DBNDD1: variants seen among roughly 807,000 people sequenced by gnomAD.
DBNDD1 encodes dysbindin domain containing 1, also known as dysbindin domain-containing protein 1.
Under a neutral mutation model 17.0 loss-of-function variants are expected in DBNDD1, and 14 were observed. The ratio of observed to expected loss-of-function variants is 0.82; its 90% CI spans 0.54 to 1.29. The LOEUF is 1.29. Among genes scored for constraint, DBNDD1 ranks in the 50% most tolerant of loss-of-function variants. The pLI, the probability that DBNDD1 is intolerant of heterozygous loss-of-function variation, is 0.00. For synonymous variants in DBNDD1, 105 were observed against 102.0 expected (o/e 1.03, Z -0.18); for missense variants, 221 against 216.2 (o/e 1.02, Z -0.14).
At chr16:90,019,856 G>A (rs1188087903), upstream of DBNDD1, 1 of 678,668 alleles carries the variant, frequency 1.5e-6, no homozygotes, top group Non-Finnish European at 2.7e-6. This position sits in a 1 kb window ranked among gnomAD's most constrained non-coding sequence, Gnocchi z 6.1. Flanking sequence ...GCTGGGTAAT[G>A]ACAGACTCAC....
chr16:90,009,021 A>C (rs2035498086), intron 2 of DBNDD1, 97 bp from the exon 3 acceptor site: 5 of 1,420,842 alleles, frequency 3.5e-6, no homozygotes, highest in Middle Eastern at 5.1e-4. Context: ...TCCTCCCACA[A>C]GGCTGTGGGT....
chr16:90,010,069 G>A, intron 1 of DBNDD1: 1 of 1,611,388 alleles, frequency 6.2e-7, no homozygotes, highest in Non-Finnish European at 8.5e-7. Flanking sequence ...TTTTTTAGAT[G>A]GAGTCTCGCT....
At chr16:90,006,515 A>G (rs749106706) in intron 3 of DBNDD1, 23 bp from the exon 4 acceptor site, 15 of 1,591,532 alleles carry the variant, frequency 9.4e-6, no homozygotes, top group Non-Finnish European at 8.5e-7. Context: ...GGGAAGGGGA[A>G]CTCGGTGTGG....
At chr16:90,014,025 A>C (rs995216189) in intron 1 of DBNDD1, among the ~76,000 whole-genome samples, 4 of 152,086 alleles carry the variant, frequency 2.6e-5, no homozygotes, top group Non-Finnish European at 5.9e-5. Flanking sequence ...GGTCGTGTGG[A>C]GATCGTCAGG....
At chr16:90,006,614 C>T (rs1276529799) in intron 3 of DBNDD1, 122 bp from the exon 4 acceptor site, 1 of 1,283,260 alleles carries the variant, frequency 7.8e-7, no homozygotes, top group Non-Finnish European at 1.1e-6. Context: ...GCCCCCTGCA[C>T]CAGGCATGCA....
chr16:90,019,746 G>A (rs1255362676), upstream of DBNDD1: 2 of 662,752 alleles, frequency 3.0e-6, no homozygotes. This position sits in a 1 kb window ranked among gnomAD's most constrained non-coding sequence, Gnocchi z 6.1. Context: ...CGCGCCCGCT[G>A]GCGTCCTCTT....
At chr16:90,011,047 C>T (rs1002400943) in intron 1 of DBNDD1, among the ~76,000 whole-genome samples, 10 of 152,264 alleles carry the variant, frequency 6.6e-5, no homozygotes, top group Non-Finnish European at 1.3e-4. Context: ...CACCTCCCAC[C>T]TGAGTGGGTG....
intron 1 of DBNDD1, among the ~76,000 whole-genome samples, chr16:90,016,704 G>C (rs1283602363): frequency 6.6e-6 from 1 of 152,170 alleles, no homozygotes; most frequent in African/African-American, 2.4e-5. Flanking sequence ...CCTGTGCTCT[G>C]CTGCTGACCT....
At chr16:90,014,775 C>T (rs534791873) in intron 1 of DBNDD1, among the ~76,000 whole-genome samples, 5 of 152,140 alleles carry the variant, frequency 3.3e-5, no homozygotes, top group South Asian at 2.1e-4. Context: ...GAGGCCAAGG[C>T]GGGCGGATCA....
chr16:90,007,549 T>G (rs2035450758), intron 3 of DBNDD1: 3 of 152,434 alleles, frequency 2.0e-5, no homozygotes, highest in Middle Eastern at 3.4e-3. Flanking sequence ...GGGGCCCTGC[T>G]CGGCAGTGTG....
At position 90,019,235 on chromosome 16, in the gene DBNDD1, A is replaced by G; in HGVS notation, c.31+76T>C. The G allele has an allele frequency of 1.3e-6, 1 of 751,604 alleles. No individual in the cohort carries two copies. The highest frequency in any genetic ancestry group is 1.8e-6 in the Non-Finnish European group (1 of 555,220). 46.6% of individuals were successfully genotyped at this position (751,604 alleles called of 1,614,324 possible). ...CGACTCCCGGGAGCGGCGAAGGGTGAGCCCTGGGGGGAGGGGCTGCGGCTC... is the reference window on the plus strand; with the variant it reads ...CGACTCCCGGGAGCGGCGAAGGGTGGGCCCTGGGGGGAGGGGCTGCGGCTC... On this transcript the variant is annotated intron_variant, in intron 1 of 3. Coordinates refer to ENST00000002501, the MANE Select transcript of DBNDD1 (RefSeq NM_001042610.3). This position sits in a 1 kb window ranked among gnomAD's most constrained non-coding sequence, Gnocchi z 6.1.
rs751107966 is a variant in DBNDD1 at position 90,006,434 on chromosome 16, C to G, written c.378G>C (p.Arg126Ser). 1.9e-6 allele frequency: 3 copies of G among 1,602,880 alleles called. No individual in the cohort carries two copies. Among genetic ancestry groups the G allele is most frequent in the Non-Finnish European group, 1.7e-6 (2 of 1,179,808 alleles). Residue 126 changes from arginine to serine, a missense_variant, in exon 4 of 4, where the codon AGG (arginine) becomes AGC (serine). Arg to Ser is a moderately radical substitution (Grantham distance 110). Coordinates refer to ENST00000002501, the MANE Select transcript of DBNDD1 (RefSeq NM_001042610.3). The stretch of plus-strand genomic sequence containing the variant: ...GCTGCTTCTCGTGGCTCTGCTCAGC[C>G]CTTGTCCTCGTCCAGGAAGGGGAGC... The part of the protein sequence containing the change: ...YLRSPSWTRT[R>S]AEQSHEKQPL...
In DBNDD1 at chr16:90,006,327, G is replaced by T; in HGVS notation, c.*8C>A. The T allele has an allele frequency of 6.2e-7, 1 of 1,600,204 alleles. No homozygotes were observed. Among genetic ancestry groups the T allele is most frequent in the South Asian group, 1.1e-5 (1 of 89,520 alleles). On this transcript the variant is annotated 3_prime_UTR_variant, in exon 4 of 4. Coordinates refer to ENST00000002501, the MANE Select transcript of DBNDD1 (RefSeq NM_001042610.3). ...ATCCCTGCAGGAGCTGGGGCAGGTG[G>T]AGATGGTCTAGTCCTCCTGGGGCCT...
intron 3 of DBNDD1, chr16:90,006,805 T>G: frequency 6.5e-5 from 19 of 290,564 alleles, no homozygotes; most frequent in Middle Eastern, 1.1e-3. Context: ...CCCTAAACTG[T>G]TCCCCCCGCA....
At position 90,006,178 on chromosome 16, in the gene DBNDD1, C is replaced by T. The variant is rs773470207; in HGVS notation, c.*157G>A. Reference sequence around the variant, plus strand: ...CCCGTGCCCAGCAGACAAGGCCGGTCTCGGGGCTGGCAGAGAGCTGCCCCC... The same window carrying T: ...CCCGTGCCCAGCAGACAAGGCCGGTTTCGGGGCTGGCAGAGAGCTGCCCCC... On this transcript the variant is annotated 3_prime_UTR_variant, in exon 4 of 4. Transcript: ENST00000002501. 2 of 1,089,296 alleles carry T rather than the reference C, an allele frequency of 1.8e-6. No individual in the cohort carries two copies. Among genetic ancestry groups the T allele is most frequent in the Admixed American group, 5.5e-5 (2 of 36,168 alleles). 67.5% of individuals were successfully genotyped at this position (1,089,296 alleles called of 1,614,324 possible). A position where few individuals can be genotyped will look rare whatever the true frequency, so the allele number is the denominator to read the frequency against.
intron 3 of DBNDD1, chr16:90,007,772 G>C (rs1297745439): frequency 1.3e-5 from 2 of 152,844 alleles, no homozygotes; most frequent in East Asian, 1.9e-4. Flanking sequence ...GTTTTAAGCA[G>C]CTGTGACGGG....
intron 1 of DBNDD1, chr16:90,010,202 C>T (rs573071406): frequency 1.5e-4 from 96 of 619,798 alleles, no homozygotes; most frequent in Middle Eastern, 8.7e-4. Context: ...TGCACCAGCA[C>T]GCCCGGCTAA....
intron 1 of DBNDD1, chr16:90,009,728 G>T: frequency 1.6e-6 from 1 of 627,156 alleles, no homozygotes; most frequent in Non-Finnish European, 2.7e-6. Flanking sequence ...TGCAGGCGTG[G>T]AAGTCCCACC....
intron 2 of DBNDD1, 36 bp from the exon 3 acceptor site, chr16:90,008,960 C>T (rs1208552593): frequency 2.0e-6 from 3 of 1,519,232 alleles, no homozygotes; most frequent in East Asian, 2.5e-5. Context: ...CCCTCAGGCC[C>T]TCCCACAAGG....
Sources: gnomAD v4.1 joint callset for allele counts (sites outside exome capture counted in the v4.1 genomes callset) on GRCh38, gnomAD v4.1.1 for gene constraint, Gnocchi (gnomAD v3.1) non-coding constraint, MANE v1.5 for transcripts, NCBI Gene and HGNC (gene_info 2026-07-23, HGNC 2026-07-21) for gene names.